The following ABCC4 variants were observed in gnomAD, a reference collection of about 807,000 sequenced individuals.
ABCC4 encodes ATP binding cassette subfamily C member 4 (PEL blood group), also known as ATP-binding cassette sub-family C member 4.
In ABCC4, 102 loss-of-function variants were observed where a neutral mutation model predicts 168.5. That is an observed-to-expected ratio of 0.61 (90% CI 0.52 to 0.71). ABCC4 has a LOEUF of 0.71. ABCC4 is among the 30% of genes least tolerant of loss of function. The pLI is 0.00. For synonymous variants in ABCC4, 617 were observed against 590.7 expected, an observed-to-expected ratio of 1.04 and a Z score of -0.65; for missense variants, 1,402 against 1,605.8, an observed-to-expected ratio of 0.87 and a Z score of 2.17.
At chr13:95,194,314 G>A (rs2038349134) in intron 9 of ABCC4, among the ~76,000 whole-genome samples, 1 of 152,176 alleles carries the variant, frequency 6.6e-6, no homozygotes, top group Non-Finnish European at 1.5e-5. Flanking sequence ...CTCGGCCTTG[G>A]GCTGCCACCA....
At chr13:95,291,515 G>A (rs2041405000) in intron 1 of ABCC4, among the ~76,000 whole-genome samples, 2 of 152,134 alleles carry the variant, frequency 1.3e-5, no homozygotes, top group Non-Finnish European at 2.9e-5. Flanking sequence ...ACAACCTAGA[G>A]GACATTCCTA....
chr13:95,124,876 T>TA (rs2035701788), intron 19 of ABCC4, among the ~76,000 whole-genome samples: 1 of 148,030 alleles, frequency 6.8e-6, no homozygotes, highest in African/African-American at 2.5e-5. Context: ...AGACTTGATC[T>TA]CAAAAAAAAA....
At chr13:95,126,234 A>T (rs1276055459) in intron 19 of ABCC4, among the ~76,000 whole-genome samples, 1 of 152,164 alleles carries the variant, frequency 6.6e-6, no homozygotes, top group Non-Finnish European at 1.5e-5. Context: ...AATATCTCCA[A>T]AAGAATGACT....
At chr13:95,146,592 TC>T (rs2036502845) in intron 19 of ABCC4, among the ~76,000 whole-genome samples, 1 of 152,280 alleles carries the variant, frequency 6.6e-6, no homozygotes, top group Admixed American at 6.5e-5. Context: ...AGGCATCACA[TC>T]CCTGCGGTTG....
chr13:95,176,234 G>GCT (rs1594238444), intron 13 of ABCC4, among the ~76,000 whole-genome samples: 4 of 60,392 alleles, frequency 6.6e-5, no homozygotes, highest in African/African-American at 1.7e-4. Context: ...AGGGGGGGGG[G>GCT]GGGGGGGGGG....
At position 95,168,115 on chromosome 13, in the gene ABCC4, C is replaced by T. The variant is rs780926664; in HGVS notation, c.1825-1748G>A. ...ACTCCTGACCTCAAGTGATTCCCCC[C>T]GACACCCTGACCTCCCAAATTGCTG... On this transcript the variant is annotated intron_variant, in intron 14 of 30. Transcript: ENST00000645237. Among the ~76,000 whole-genome samples the T allele has an allele frequency of 2.4e-4, 36 of 152,042 alleles. 1 individual carries two copies. The highest frequency in any genetic ancestry group is 1.4e-3 in the Admixed American group (22 of 15,260).
At position 95,166,148 on chromosome 13, in the gene ABCC4, G is replaced by A. The variant is rs1334041049; in HGVS notation, c.2034+10C>T. On this transcript the variant is annotated intron_variant, in intron 15 of 30. Transcript: ENST00000645237. ...AAACCAGGCCATGTTGTAACAGGAG[G>A]TGAACTCACATCTTGGCTCTCCAGA... 2 of 1,610,086 alleles carry A rather than the reference G, an allele frequency of 1.2e-6. No homozygotes were observed. The highest frequency in any genetic ancestry group is 1.7e-5 in the Admixed American group (1 of 60,002).
At chr13:95,083,407 G>A (rs974145791) in intron 20 of ABCC4, 117 bp from the exon 21 acceptor site, 15 of 1,231,492 alleles carry the variant, frequency 1.2e-5, no homozygotes, top group Non-Finnish European at 1.6e-5. Flanking sequence ...GTAGTACCAG[G>A]GACTGCTTTT....
chr13:95,057,176 G>A (rs907064512), intron 26 of ABCC4, among the ~76,000 whole-genome samples: 1 of 152,134 alleles, frequency 6.6e-6, no homozygotes, highest in Non-Finnish European at 1.5e-5. Flanking sequence ...TATTTAGGAA[G>A]TACTTTCACT....
intron 29 of ABCC4, among the ~76,000 whole-genome samples, chr13:95,042,703 C>T (rs1247968260): frequency 6.6e-6 from 1 of 152,202 alleles, no homozygotes. Flanking sequence ...GTGAACTAGA[C>T]ATTTATGTGG....
chr13:95,277,557 G>C (rs1350452549), intron 1 of ABCC4, among the ~76,000 whole-genome samples: 1 of 146,180 alleles, frequency 6.8e-6, no homozygotes, highest in African/African-American at 2.5e-5. Context: ...CTCCAGCCTA[G>C]GCAACAAGAG....
intron 8 of ABCC4, among the ~76,000 whole-genome samples, chr13:95,205,827 CCTT>C (rs1436686206): frequency 1.2e-4 from 18 of 152,176 alleles, no homozygotes; most frequent in African/African-American, 3.9e-4. Flanking sequence ...CCCATTTTGT[CCTT>C]CTGTTTCCTC....
At chr13:95,254,364 TA>T (rs68119068) in intron 1 of ABCC4, among the ~76,000 whole-genome samples, 40,343 of 151,306 alleles carry the variant, frequency 0.27, 6,513 homozygotes, top group East Asian at 0.5. Context: ...TAATTTTGCT[TA>T]AAAAAAAACA....
chr13:95,150,098 C>T (rs954566922), intron 19 of ABCC4, among the ~76,000 whole-genome samples: 9 of 152,072 alleles, frequency 5.9e-5, no homozygotes, highest in Non-Finnish European at 1.2e-4. Flanking sequence ...CTCAGTCTCA[C>T]GAGGAGCCGG....
chr13:95,116,420 T>C (rs2035383329), intron 19 of ABCC4, among the ~76,000 whole-genome samples: 1 of 152,222 alleles, frequency 6.6e-6, no homozygotes, highest in African/African-American at 2.4e-5. Context: ...TGCTAAGTGG[T>C]ATATTTTTTA....
intron 9 of ABCC4, among the ~76,000 whole-genome samples, chr13:95,191,655 G>C (rs1228634900): frequency 6.6e-6 from 1 of 152,172 alleles, no homozygotes; most frequent in Admixed American, 6.5e-5. Flanking sequence ...CTGTATTCCT[G>C]ATTAAGTAAC....
intron 27 of ABCC4, among the ~76,000 whole-genome samples, chr13:95,051,546 T>A (rs573942228): frequency 8.1e-4 from 123 of 152,296 alleles, no homozygotes; most frequent in Non-Finnish European, 4.9e-4. Flanking sequence ...TTCTTTTTTT[T>A]TTTTTATTTT....
At chr13:95,280,056 T>C (rs995462977) in intron 1 of ABCC4, among the ~76,000 whole-genome samples, 9 of 152,160 alleles carry the variant, frequency 5.9e-5, no homozygotes, top group Non-Finnish European at 5.9e-5. Context: ...TCCCTGCGAC[T>C]CTGGGTGAGT....
chr13:95,041,924 A>G (rs775179599), intron 29 of ABCC4, among the ~76,000 whole-genome samples: 5 of 152,306 alleles, frequency 3.3e-5, no homozygotes, highest in South Asian at 2.1e-4. Flanking sequence ...AAATTGGAAA[A>G]TAGTTCTCAC....
Sources: allele counts gnomAD v4.1 joint callset (sites outside exome capture counted in the v4.1 genomes callset), GRCh38; gene constraint gnomAD v4.1.1; transcripts MANE v1.5; gene names NCBI Gene and HGNC (gene_info 2026-07-23, HGNC 2026-07-21).